The following SCHIP1 variants were observed in gnomAD, a reference collection of about 807,000 sequenced individuals.
SCHIP1 encodes schwannomin-interacting protein 1.
A neutral mutation model predicts 29.7 loss-of-function variants in SCHIP1; 8 were observed. The observed-to-expected ratio is 0.27, with a 90% confidence interval of 0.16 to 0.49. SCHIP1 has a LOEUF of 0.49. Ranked by LOEUF, SCHIP1 falls within the 20% of genes least tolerant of loss-of-function variation. The pLI is 0.99. For missense variants in SCHIP1, 193 were observed against 294.6 expected (o/e 0.66, Z 2.52); for synonymous variants, 76 against 94.9 (o/e 0.80, Z 1.16).
the SCHIP1 span, among the ~76,000 whole-genome samples, chr3:159,740,761 C>CAAAAA: frequency 1.4e-4 from 2 of 14,336 alleles, no homozygotes; most frequent in Non-Finnish European, 2.9e-4. Context: ...ATTGTATATT[C>CAAAAA]AAAAAAAAAG....
At chr3:159,323,220 T>A in the SCHIP1 span, among the ~76,000 whole-genome samples, 1 of 152,238 alleles carries the variant, frequency 6.6e-6, no homozygotes, top group Non-Finnish European at 1.5e-5. Context: ...TTTAGATTTT[T>A]AAAAAGTAAT....
chr3:159,737,090 G>T, the SCHIP1 span, among the ~76,000 whole-genome samples: 1 of 152,154 alleles, frequency 6.6e-6, no homozygotes, highest in African/African-American at 2.4e-5. Flanking sequence ...ATGGCAAATT[G>T]ATATCCTGTC....
chr3:159,807,104 T>G, the SCHIP1 span, among the ~76,000 whole-genome samples: 1 of 152,234 alleles, frequency 6.6e-6, no homozygotes, highest in African/African-American at 2.4e-5. Context: ...ACAATTTTGC[T>G]TCAGAGTCCT....
the SCHIP1 span, among the ~76,000 whole-genome samples, chr3:159,624,103 A>T: frequency 6.6e-6 from 1 of 152,232 alleles, no homozygotes; most frequent in Admixed American, 6.5e-5. Flanking sequence ...AAAATTAAAA[A>T]AATATATAAT....
the SCHIP1 span, among the ~76,000 whole-genome samples, chr3:159,535,690 A>G: frequency 2.0e-5 from 3 of 152,160 alleles, no homozygotes; most frequent in Non-Finnish European, 4.4e-5. Flanking sequence ...CATCATAACC[A>G]CTGTCATTAC....
At chr3:159,275,216 T>G in the SCHIP1 span, 1,882 of 218,476 alleles carry the variant, frequency 8.6e-3, no homozygotes, top group Non-Finnish European at 0.013. Flanking sequence ...GAATGAAAGG[T>G]AGATTTATGA....
At chr3:159,559,048 C>T in the SCHIP1 span, among the ~76,000 whole-genome samples, 1 of 152,136 alleles carries the variant, frequency 6.6e-6, no homozygotes, top group Non-Finnish European at 1.5e-5. Context: ...CAGCTCAGTG[C>T]CATTCCCAGA....
chr3:159,857,061 C>G (rs1487194330), intron 1 of SCHIP1, among the ~76,000 whole-genome samples: 1 of 152,216 alleles, frequency 6.6e-6, no homozygotes, highest in African/African-American at 2.4e-5. Context: ...GGAAAAATCT[C>G]TTCCGCTTTG....
the SCHIP1 span, among the ~76,000 whole-genome samples, chr3:159,461,027 G>T: frequency 6.6e-6 from 1 of 152,050 alleles, no homozygotes; most frequent in Admixed American, 6.6e-5. Flanking sequence ...GAACTTGAGG[G>T]CTATGTAGCA....
chr3:159,606,039 G>A, the SCHIP1 span, among the ~76,000 whole-genome samples: 130 of 152,202 alleles, frequency 8.5e-4, no homozygotes, highest in African/African-American at 3.0e-3. Context: ...TGACATCTAG[G>A]GCAGAGTGTT....
At chr3:159,323,744 A>G in the SCHIP1 span, among the ~76,000 whole-genome samples, 5 of 152,238 alleles carry the variant, frequency 3.3e-5, no homozygotes, top group African/African-American at 1.2e-4. Flanking sequence ...TTGGTTTGGC[A>G]GAGTATCAAA....
At chr3:159,550,293 T>C in the SCHIP1 span, among the ~76,000 whole-genome samples, 4 of 151,652 alleles carry the variant, frequency 2.6e-5, no homozygotes, top group East Asian at 2.0e-4. Context: ...TTTTTGACTG[T>C]TTATTCTATT....
At chr3:159,589,522 A>G in the SCHIP1 span, among the ~76,000 whole-genome samples, 31,110 of 152,082 alleles carry the variant, frequency 0.2, 8,661 homozygotes, top group African/African-American at 0.63. Flanking sequence ...GTGAGAGAGG[A>G]CATCCCTGTC....
the SCHIP1 span, among the ~76,000 whole-genome samples, chr3:159,316,554 A>G: frequency 6.6e-6 from 1 of 152,212 alleles, no homozygotes; most frequent in Admixed American, 6.5e-5. Flanking sequence ...CCTCAATCCA[A>G]TCAAGTTGAC....
chr3:159,592,759 G>C, the SCHIP1 span, among the ~76,000 whole-genome samples: 2 of 152,076 alleles, frequency 1.3e-5, no homozygotes, highest in Admixed American at 1.3e-4. Flanking sequence ...GTCACGGCCT[G>C]TTGTCCTTGT....
chr3:159,441,641 T>C, the SCHIP1 span, among the ~76,000 whole-genome samples: 1 of 152,126 alleles, frequency 6.6e-6, no homozygotes, highest in Non-Finnish European at 1.5e-5. Context: ...CACTAAGTTA[T>C]AGACCCTGGC....
the SCHIP1 span, among the ~76,000 whole-genome samples, chr3:159,747,282 C>G: frequency 6.6e-6 from 1 of 152,186 alleles, no homozygotes; most frequent in Non-Finnish European, 1.5e-5. Context: ...AACTCCTCTC[C>G]TTAACCCACC....
At chr3:159,581,483 G>C in the SCHIP1 span, among the ~76,000 whole-genome samples, 1 of 152,156 alleles carries the variant, frequency 6.6e-6, no homozygotes, top group South Asian at 2.1e-4. Context: ...CGCCAGCAAA[G>C]ACCAAGTGGG....
At chr3:159,756,272 T>C in the SCHIP1 span, among the ~76,000 whole-genome samples, 1 of 152,208 alleles carries the variant, frequency 6.6e-6, no homozygotes, top group Non-Finnish European at 1.5e-5. Flanking sequence ...TAGGTGGAGG[T>C]TCCCAAACCC....
Sources: gnomAD v4.1 joint callset for allele counts (sites outside exome capture counted in the v4.1 genomes callset) on GRCh38, gnomAD v4.1.1 for gene constraint, MANE v1.5 for transcripts, NCBI Gene and HGNC (gene_info 2026-07-23, HGNC 2026-07-21) for gene names.